The following ZNF276 variants were observed in gnomAD, a reference collection of about 807,000 sequenced individuals.
ZNF276 encodes the protein zinc finger protein 276.
A neutral mutation model predicts 63.9 loss-of-function variants in ZNF276; 59 were observed. The observed-to-expected ratio is 0.92, with a 90% CI of 0.75 to 1.15. The LOEUF is 1.15. ZNF276 is among the 50% of genes most tolerant of loss of function. The pLI is 0.00. For missense variants in ZNF276, 1,084 were observed against 843.8 expected, an observed-to-expected ratio of 1.28 and a Z score of -3.53; for synonymous variants, 496 against 348.4, an observed-to-expected ratio of 1.42 and a Z score of -4.72.
At position 89,733,929 on chromosome 16, in the gene ZNF276, C is replaced by A; in HGVS notation, c.1365C>A (p.Ile455=). The A allele has an allele frequency of 6.2e-7, 1 of 1,613,764 alleles. No individual in the cohort carries two copies. The highest frequency in any genetic ancestry group is 1.1e-5 in the South Asian group (1 of 91,074). The change falls in exon 9 of 11, where the codon ATC becomes ATA. Residue 455 remains isoleucine (I), a synonymous_variant. Transcript: ENST00000443381. The part of the protein sequence containing the change: ...YRGADGMKKH[I]KEHHEEVRER... ...CCGAGTCTCTCCTTCAGAAGCACATCAAGGAGCACCACGAGGAGGTCCGGG... is the reference window on the plus strand; with the variant it reads ...CCGAGTCTCTCCTTCAGAAGCACATAAAGGAGCACCACGAGGAGGTCCGGG...
chr16:89,739,002 G>A lies in ZNF276; in HGVS notation c.*756G>A, dbSNP rs1020362407. The A allele has an allele frequency of 5.0e-6, 8 of 1,614,000 alleles. No homozygotes were observed. The highest frequency in any genetic ancestry group is 1.1e-5 in the South Asian group (1 of 91,080). ...AGAGAGAAAACAGGCAAACTCACAGGTTAGAAGACATACAGAAACAGGGCT... is the reference window on the plus strand; with the variant it reads ...AGAGAGAAAACAGGCAAACTCACAGATTAGAAGACATACAGAAACAGGGCT... On this transcript the variant is annotated 3_prime_UTR_variant, in exon 11 of 11. Transcript: ENST00000443381.
intron 9 of ZNF276, chr16:89,737,461 C>T (rs962290032): frequency 4.1e-5 from 12 of 290,180 alleles, no homozygotes; most frequent in Non-Finnish European, 6.0e-5. Flanking sequence ...GCGCAGGTTG[C>T]AGTGAGCTGA....
At chr16:89,721,903 G>A in intron 1 of ZNF276, 58 bp downstream of exon 1, 1 of 1,123,392 alleles carries the variant, frequency 8.9e-7, no homozygotes. Flanking sequence ...GCTCGTGGGA[G>A]GAGCCGCACT....
rs2151710848 is a variant in ZNF276, at chr16:89,738,942, A to G, written c.*696A>G. On this transcript the variant is annotated 3_prime_UTR_variant, in exon 11 of 11. Coordinates refer to ENST00000443381, the MANE Select transcript of ZNF276 (RefSeq NM_001113525.2). The stretch of plus-strand genomic sequence containing the variant: ...GAGGTATTAACTGCAGCAGAAAAAG[A>G]CGAGCTTTTGTTATCAGTTCCACGG... The G allele has an allele frequency of 1.2e-6, 2 of 1,614,270 alleles. No individual in the cohort carries two copies. The highest frequency in any genetic ancestry group is 8.5e-7 in the Non-Finnish European group (1 of 1,180,054).
chr16:89,726,001 A>G (rs754088954), intron 4 of ZNF276, among the ~76,000 whole-genome samples: 1 of 152,082 alleles, frequency 6.6e-6, no homozygotes, highest in Non-Finnish European at 1.5e-5. Context: ...TGTCGCCACC[A>G]GGCCTGGCCG....
chr16:89,726,465 G>C (rs1467383919), intron 4 of ZNF276, among the ~76,000 whole-genome samples: 1 of 152,152 alleles, frequency 6.6e-6, no homozygotes, highest in Non-Finnish European at 1.5e-5. Flanking sequence ...CAAAGTGCTG[G>C]AATTGCAGGC....
chr16:89,739,117 TG>T lies in ZNF276; in HGVS notation c.*873del. On this transcript the variant is annotated 3_prime_UTR_variant, in exon 11 of 11. Coordinates refer to ENST00000443381, the MANE Select transcript of ZNF276 (RefSeq NM_001113525.2). ...GGGGGAGCTCCCCTGGAGGTGGGAC[TG>T]GCCCTTGCACCTGCCTGACCCTTGA... is the stretch of plus-strand genomic sequence containing the variant. The T allele has an allele frequency of 6.2e-7, 1 of 1,614,090 alleles. No homozygotes were observed. Among genetic ancestry groups the T allele is most frequent in the Non-Finnish European group, 8.5e-7 (1 of 1,179,968 alleles).
rs1474133129 is a variant in ZNF276 at position 89,740,769 on chromosome 16, G to A, written c.*2523G>A. ...TGGTGCCCCTGCCTGGCCCACAGTG[G>A]GAGAGGACACCTTGGCTGGTAAGGT... is the stretch of plus-strand genomic sequence containing the variant. On this transcript the variant is annotated 3_prime_UTR_variant, in exon 11 of 11. Transcript: ENST00000443381. 6.2e-7 allele frequency: 1 copy of A among 1,600,760 alleles called. No individual in the cohort carries two copies. Among genetic ancestry groups the A allele is most frequent in the East Asian group, 2.2e-5 (1 of 44,628 alleles).
At chr16:89,720,982 G>C (rs2061250819), upstream of ZNF276, 2 of 1,011,408 alleles carry the variant, frequency 2.0e-6, no homozygotes, top group South Asian at 4.2e-5. Flanking sequence ...AAGGGACGCG[G>C]CCGCACTTCC....
intron 5 of ZNF276, 52 bp from the exon 6 acceptor site, chr16:89,729,183 C>T: frequency 6.6e-7 from 1 of 1,515,236 alleles, no homozygotes; most frequent in South Asian, 1.1e-5. Context: ...CGTGTTGGGT[C>T]TGTCACTGCC....
Position 89,722,732 on chromosome 16 carries a change from G to C in ZNF276, c.407G>C (p.Cys136Ser). ...RQDPTLSPFV[C>S]KSCHAQFYQC... ...GACCCCACCTTGTCTCCGTTTGTCT[G>C]CAAGAGCTGCCACGCCCAGTTCTAC... Residue 136 changes from cysteine to serine, a missense_variant, in exon 2 of 11, where the codon TGC (cysteine) becomes TCC (serine). Coordinates refer to ENST00000443381, the MANE Select transcript of ZNF276 (RefSeq NM_001113525.2). The C allele has an allele frequency of 6.2e-7, 1 of 1,612,042 alleles. No individual in the cohort carries two copies. The highest frequency in any genetic ancestry group is 8.5e-7 in the Non-Finnish European group (1 of 1,180,036).
chr16:89,720,884 G>T, upstream of ZNF276: 1 of 1,339,696 alleles, frequency 7.5e-7, no homozygotes, highest in South Asian at 1.9e-5. Flanking sequence ...GGGAGGCGGC[G>T]GCGGTAGCCG....
At chr16:89,737,602 G>C in intron 9 of ZNF276, 1 of 938,480 alleles carries the variant, frequency 1.1e-6, no homozygotes, top group East Asian at 2.8e-5. Context: ...AATGCACACA[G>C]CTGATGAAGC....
chr16:89,737,912 G>T lies in ZNF276; in HGVS notation c.1574+7G>T. The stretch of plus-strand genomic sequence containing the variant: ...CGGGAGCCAAGCCTTTGCAGTAAGT[G>T]TGAGTCAGGACCCCCTCCCAGGGCT... On this transcript the variant is annotated splice_region_variant and intron_variant, in intron 10 of 10. Coordinates refer to ENST00000443381, the MANE Select transcript of ZNF276 (RefSeq NM_001113525.2). 1 of 1,578,264 alleles carries T rather than the reference G, an allele frequency of 6.3e-7. No homozygotes were observed. The highest frequency in any genetic ancestry group is 8.5e-7 in the Non-Finnish European group (1 of 1,173,154).
chr16:89,738,080 G>A lies in ZNF276; in HGVS notation c.1679G>A (p.Gly560Asp), dbSNP rs144644592. ...CTGGACTTTGCCTGTGACCAGTGTG[G>A]CCGGCGGTTTGAGAAGGCCCACAAC... is the stretch of plus-strand genomic sequence containing the variant. The part of the protein sequence containing the change: ...TELDFACDQC[G>D]RRFEKAHNLN... The change falls in exon 11 of 11, where the codon GGC becomes GAC. Residue 560 changes from glycine to aspartate, a missense_variant. Gly to Asp is a moderately conservative substitution (Grantham distance 94). Transcript: ENST00000443381. The A allele has an allele frequency of 2.3e-4, 371 of 1,614,094 alleles. No individual in the cohort carries two copies. The highest frequency in any genetic ancestry group is 9.3e-4 in the Admixed American group (56 of 60,024).
At position 89,739,236 on chromosome 16, in the gene ZNF276, T is replaced by G. The variant is rs145886270; in HGVS notation, c.*990T>G. 3.0e-5 allele frequency: 49 copies of G among 1,614,150 alleles called. 1 individual carries two copies. The highest frequency in any genetic ancestry group is 4.0e-5 in the Non-Finnish European group (47 of 1,180,042). On this transcript the variant is annotated 3_prime_UTR_variant, in exon 11 of 11. Coordinates refer to ENST00000443381, the MANE Select transcript of ZNF276 (RefSeq NM_001113525.2). ...CTTCAAGTACATGTCCACAGCAACA[T>G]GCAGGAAGGCCTCTTCCCTGATGGC...
intron 9 of ZNF276, among the ~76,000 whole-genome samples, chr16:89,735,993 G>C (rs2151700138): frequency 6.6e-6 from 1 of 151,706 alleles, no homozygotes; most frequent in South Asian, 2.1e-4. Context: ...CTGGGGTAAA[G>C]CCATTCTCCT....
Position 89,738,972 on chromosome 16 carries a change from G to T in ZNF276, c.*726G>T. On this transcript the variant is annotated 3_prime_UTR_variant, in exon 11 of 11. Transcript: ENST00000443381. ...CTTTTGTTATCAGTTCCACGGGGTT[G>T]CCCTAGAGAGAAAACAGGCAAACTC... 6.2e-7 allele frequency: 1 copy of T among 1,614,230 alleles called. No individual in the cohort carries two copies. Among genetic ancestry groups the T allele is most frequent in the African/African-American group, 1.3e-5 (1 of 75,068 alleles).
chr16:89,739,252 C>G lies in ZNF276; in HGVS notation c.*1006C>G. On this transcript the variant is annotated 3_prime_UTR_variant, in exon 11 of 11. Coordinates refer to ENST00000443381, the MANE Select transcript of ZNF276 (RefSeq NM_001113525.2). ...ACAGCAACATGCAGGAAGGCCTCTT[C>G]CCTGATGGCCGCGTCTTCATGGAAG... The G allele has an allele frequency of 6.2e-7, 1 of 1,614,162 alleles. No individual in the cohort carries two copies. The highest frequency in any genetic ancestry group is 1.1e-5 in the South Asian group (1 of 91,086).
Sources: allele counts gnomAD v4.1 joint callset (sites outside exome capture counted in the v4.1 genomes callset), GRCh38; gene constraint gnomAD v4.1.1; transcripts MANE v1.5; gene names NCBI Gene and HGNC (gene_info 2026-07-23, HGNC 2026-07-21).